The following BZW2 variants were observed in gnomAD, a reference collection of about 807,000 sequenced individuals.
BZW2 encodes eIF5-mimic protein 1.
BZW2 carries 23 observed loss-of-function variants against 53.2 expected under a neutral mutation model. The ratio of observed to expected loss-of-function variants is 0.43; its 90% CI spans 0.31 to 0.61. The LOEUF is 0.61. Among genes scored for constraint, BZW2 ranks in the 20% least tolerant of loss-of-function variants. The pLI, the probability that BZW2 is intolerant of heterozygous loss-of-function variation, is 0.09. For synonymous variants in BZW2, 227 were observed against 186.4 expected (o/e 1.22, Z -1.77); for missense variants, 409 against 503.1 (o/e 0.81, Z 1.79).
At chr7:16,676,384 A>G (rs1265987200) in intron 3 of BZW2, among the ~76,000 whole-genome samples, 4 of 152,100 alleles carry the variant, frequency 2.6e-5, no homozygotes, top group Admixed American at 2.0e-4. Flanking sequence ...CCCTGTCTCT[A>G]CTAAAAATAC....
Position 16,704,653 on chromosome 7 carries a change from A to G in BZW2, c.1215A>G (p.Leu405=), listed in dbSNP as rs1043389690. 7 of 1,585,406 alleles carry G rather than the reference A, an allele frequency of 4.4e-6. No individual in the cohort carries two copies. Among genetic ancestry groups the G allele is most frequent in the Non-Finnish European group, 6.0e-6 (7 of 1,158,586 alleles). The stretch of plus-strand genomic sequence containing the variant: ...AGATGAAGAAATTTGTTGAGTGGTT[A>G]CAAAATGCAGAAGAAGGTATGATTC... ...LDQMKKFVEW[L]QNAEEESESE... The change falls in exon 11 of 12, where the codon TTA becomes TTG. Residue 405 remains leucine, a synonymous_variant. Transcript: ENST00000258761.
Position 16,670,099 on chromosome 7 carries a change from G to A in BZW2, c.59-4313G>A, listed in dbSNP as rs116923985. On this transcript the variant is annotated intron_variant, in intron 2 of 11. Transcript: ENST00000258761. ...TTTTGATGGTCACTTTGTTTTAGCA[G>A]CTGGGAGCTTTTTTCAGCCTGCAAA... Among the ~76,000 whole-genome samples the A allele has an allele frequency of 5.6e-3, 853 of 152,288 alleles. 1 individual carries two copies. Among genetic ancestry groups the A allele is most frequent in the Admixed American group, 0.012 (180 of 15,302 alleles).
chr7:16,672,782 C>T (rs1454665775), intron 2 of BZW2, among the ~76,000 whole-genome samples: 2 of 152,178 alleles, frequency 1.3e-5, no homozygotes, highest in African/African-American at 2.4e-5. Flanking sequence ...TCCAAGTCGA[C>T]CTTCCACAAG....
At chr7:16,652,954 A>G (rs1562474012) in intron 1 of BZW2, among the ~76,000 whole-genome samples, 1 of 152,204 alleles carries the variant, frequency 6.6e-6, no homozygotes, top group Non-Finnish European at 1.5e-5. Flanking sequence ...CCATGTCATC[A>G]GCGTGCCCTA....
At chr7:16,664,646 C>T (rs966118749) in intron 1 of BZW2, among the ~76,000 whole-genome samples, 1 of 152,180 alleles carries the variant, frequency 6.6e-6, no homozygotes, top group African/African-American at 2.4e-5. Flanking sequence ...CTAATTCTTG[C>T]TTTCATAAAG....
chr7:16,703,190 T>C (rs1310208492), intron 10 of BZW2, among the ~76,000 whole-genome samples: 1 of 152,178 alleles, frequency 6.6e-6, no homozygotes, highest in African/African-American at 2.4e-5. Flanking sequence ...AAGCTAAGAA[T>C]AAGTCTACAG....
intron 11 of BZW2, among the ~76,000 whole-genome samples, chr7:16,705,464 T>G (rs1394998464): frequency 6.6e-6 from 1 of 152,100 alleles, no homozygotes; most frequent in Non-Finnish European, 1.5e-5. Context: ...GGCGGGCAGA[T>G]CATGAGGTCG....
At chr7:16,697,864 A>C in intron 9 of BZW2, 184 bp from the exon 10 acceptor site, 2 of 635,182 alleles carry the variant, frequency 3.1e-6, no homozygotes, top group Non-Finnish European at 5.3e-6. Context: ...CAGGTCGACT[A>C]TACTGCTTTG....
At chr7:16,694,501 T>A (rs1254042348) in intron 7 of BZW2, among the ~76,000 whole-genome samples, 1 of 151,996 alleles carries the variant, frequency 6.6e-6, no homozygotes, top group African/African-American at 2.4e-5. Flanking sequence ...CCTCCCAACA[T>A]AACCCACTAA....
chr7:16,665,324 C>A, intron 1 of BZW2, 113 bp from the exon 2 acceptor site: 1 of 1,231,600 alleles, frequency 8.1e-7, no homozygotes, highest in Non-Finnish European at 1.2e-6. Flanking sequence ...AAAAAAGAGG[C>A]ATATTCAGTA....
chr7:16,646,182 C>T lies in BZW2; in HGVS notation c.-114C>T, dbSNP rs138675668. 1 of 320,572 alleles carries T rather than the reference C, an allele frequency of 3.1e-6. No individual in the cohort carries two copies. Among genetic ancestry groups the T allele is most frequent in the South Asian group, 2.3e-5 (1 of 42,596 alleles). The allele number at this position is 320,572 out of a possible 1,614,324, so 19.9% of individuals were successfully genotyped here. A position where few individuals can be genotyped will look rare whatever the true frequency, so the allele number is the denominator to read the frequency against. ...TCTATGTCAATGTGTCTGTCCTTCA[C>T]TCCTCCATTGTCTGCCGCCACTGCT... is the stretch of plus-strand genomic sequence containing the variant. On this transcript the variant is annotated 5_prime_UTR_variant, in exon 1 of 12. Coordinates refer to ENST00000258761, the MANE Select transcript of BZW2 (RefSeq NM_014038.3).
chr7:16,660,006 C>T (rs569384061), intron 1 of BZW2, among the ~76,000 whole-genome samples: 73 of 152,014 alleles, frequency 4.8e-4, no homozygotes, highest in Admixed American at 8.5e-4. Flanking sequence ...CCCCCTCCCC[C>T]ACCCCACAAC....
rs982937660 is a variant in BZW2, at chr7:16,685,796, C to G, written c.406-109C>G. The stretch of plus-strand genomic sequence containing the variant: ...GACCTTCTGTTTGTGTGCCACGTAG[C>G]CATGGATGTTCACAGTTTATCTTCC... On this transcript the variant is annotated intron_variant, in intron 5 of 11. Transcript: ENST00000258761. The G allele has an allele frequency of 5.3e-6, 7 of 1,318,256 alleles. No homozygotes were observed. The African/African-American group carries it at 8.9e-5, about 17-fold the overall frequency. The allele number at this position is 1,318,256 out of a possible 1,614,324, so 81.7% of individuals were successfully genotyped here. A position where few individuals can be genotyped will look rare whatever the true frequency, so the allele number is the denominator to read the frequency against.
intron 3 of BZW2, among the ~76,000 whole-genome samples, chr7:16,679,310 T>C (rs1782867492): frequency 6.6e-6 from 1 of 152,250 alleles, no homozygotes. Flanking sequence ...CTAACAAATG[T>C]CCATGAAATC....
intron 1 of BZW2, among the ~76,000 whole-genome samples, chr7:16,649,463 A>C (rs1781938260): frequency 6.6e-6 from 1 of 152,220 alleles, no homozygotes; most frequent in South Asian, 2.1e-4. Context: ...ATTCTGATGA[A>C]TGCTATCAAC....
In BZW2 at chr7:16,687,565, T is replaced by C. The variant is rs565060303; in HGVS notation, c.541+1525T>C. 4 of 151,988 alleles carry C rather than the reference T, an allele frequency of 2.6e-5. No individual in the cohort carries two copies. In the South Asian group the frequency reaches 6.2e-4, roughly 24 times the overall value. The allele number at this position is 151,988 out of a possible 1,614,324, so 9.4% of individuals were successfully genotyped here. Reference sequence around the variant, plus strand: ...GACTCTCTTCTCTACAAAAAAAAATTTAAAAACTAGCCAGGTGTGTTGGCA... The same window carrying C: ...GACTCTCTTCTCTACAAAAAAAAATCTAAAAACTAGCCAGGTGTGTTGGCA... On this transcript the variant is annotated intron_variant, in intron 6 of 11. Coordinates refer to ENST00000258761, the MANE Select transcript of BZW2 (RefSeq NM_014038.3).
intron 11 of BZW2, 121 bp downstream of exon 11, chr7:16,704,790 C>T (rs1023644527): frequency 1.5e-5 from 16 of 1,064,496 alleles, no homozygotes; most frequent in African/African-American, 6.3e-5. Flanking sequence ...AGTTATCTTT[C>T]GTATCAAACA....
At chr7:16,671,517 G>A (rs900128509) in intron 2 of BZW2, among the ~76,000 whole-genome samples, 1 of 152,088 alleles carries the variant, frequency 6.6e-6, no homozygotes, top group African/African-American at 2.4e-5. Context: ...GAGTACTATT[G>A]CCTGTCTTGT....
At chr7:16,679,280 A>G (rs1782866180) in intron 3 of BZW2, among the ~76,000 whole-genome samples, 1 of 152,224 alleles carries the variant, frequency 6.6e-6, no homozygotes, top group African/African-American at 2.4e-5. Context: ...AAGAAATTAT[A>G]AAAGTATTAA....
Sources: allele counts gnomAD v4.1 joint callset (sites outside exome capture counted in the v4.1 genomes callset), GRCh38; gene constraint gnomAD v4.1.1; transcripts MANE v1.5; gene names NCBI Gene and HGNC (gene_info 2026-07-23, HGNC 2026-07-21).